The following SH3D21 variants were observed in gnomAD, a reference collection of about 807,000 sequenced individuals.
SH3D21 encodes manchette microtubule inner protein 1.
A neutral mutation model predicts 82.1 loss-of-function variants in SH3D21; 83 were observed. The observed-to-expected ratio is 1.01, with a 90% confidence interval of 0.85 to 1.21. SH3D21 has a LOEUF of 1.21. SH3D21 is among the 50% of genes most tolerant of loss of function. SH3D21 has a pLI of 0.00. For synonymous variants in SH3D21, 383 were observed against 387.8 expected (o/e 0.99, Z 0.15); for missense variants, 980 against 962.1 (o/e 1.02, Z -0.25).
intron 14 of SH3D21, 35 bp downstream of exon 14, chr1:36,320,833 G>A: frequency 6.5e-7 from 1 of 1,550,196 alleles, no homozygotes; most frequent in Non-Finnish European, 8.7e-7. Flanking sequence ...TGGAAGGTAG[G>A]GTTCCCCCTA....
Position 36,320,932 on chromosome 1 carries a change from T to C in SH3D21, c.2153T>C (p.Ile718Thr). ...GCCCGCAGGAGGAAGCTGACCGACA[T>C]CTGGGAGGAGCTGAAGAGCGAGAAG... ...EVQLERKLTD[I>T]WEELKSEKEQ... is the part of the protein sequence containing the mutation. Residue 718 changes from isoleucine (I) to threonine (T), a missense_variant, in exon 15 of 16, where the codon ATC becomes ACC. Coordinates refer to ENST00000453908, the MANE Select transcript of SH3D21 (RefSeq NM_001162530.2). 1 of 1,566,204 alleles carries C rather than the reference T, an allele frequency of 6.4e-7. No homozygotes were observed. Among genetic ancestry groups the C allele is most frequent in the Non-Finnish European group, 8.7e-7 (1 of 1,155,490 alleles).
Position 36,309,527 on chromosome 1 carries a change from C to T in SH3D21, c.727-21C>T, listed in dbSNP as rs1646195781. 5 of 1,551,262 alleles carry T rather than the reference C, an allele frequency of 3.2e-6. No individual in the cohort carries two copies. In the South Asian group the frequency reaches 3.6e-5, roughly 11 times the overall value. On this transcript the variant is annotated intron_variant, in intron 9 of 15. Transcript: ENST00000453908. ...GATTTTTAGATTAAGGATGCTCAAC[C>T]TTTACTTCTTTTCGGCATAGATCAA...
downstream of SH3D21, chr1:36,328,938 G>A (rs886370462): frequency 7.9e-5 from 12 of 152,300 alleles, no homozygotes; most frequent in African/African-American, 2.7e-4. Flanking sequence ...AAGGAAGTGA[G>A]GCTCAGCGAG....
In SH3D21 at chr1:36,306,890, T is replaced by G; in HGVS notation, c.211T>G (p.Cys71Gly). 7.6e-7 allele frequency: 1 copy of G among 1,310,716 alleles called. No homozygotes were observed. The highest frequency in any genetic ancestry group is 1.0e-6 in the Non-Finnish European group (1 of 1,003,170). 81.2% of individuals were successfully genotyped at this position (1,310,716 alleles called of 1,614,324 possible). A position where few individuals can be genotyped will look rare whatever the true frequency, so the allele number is the denominator to read the frequency against. Residue 71 changes from cysteine (C) to glycine (G), a missense_variant, in exon 3 of 16, where the codon TGT (cysteine) becomes GGT (glycine). Coordinates refer to ENST00000453908, the MANE Select transcript of SH3D21 (RefSeq NM_001162530.2). The surrounding 1 kb of genome is among the most constrained non-coding windows in gnomAD (Gnocchi z 4.5). The stretch of plus-strand genomic sequence containing the variant: ...CTCCGGAGAGGCGCGGAGGCCGCGC[T>G]GTGCGCGCCGCCGAGGTGAGCGCAA... The part of the protein sequence containing the change: ...RGSGEARRPR[C>G]ARRRGHPAKH...
Position 36,308,447 on chromosome 1 carries a change from C to T in SH3D21, c.698C>T (p.Pro233Leu), listed in dbSNP as rs1646174984. Residue 233 changes from proline (P) to leucine (L), a missense_variant, in exon 9 of 16, where the codon CCA (proline) becomes CTA (leucine). Pro to Leu is a moderately conservative substitution (Grantham distance 98, BLOSUM62 -3). Transcript: ENST00000453908. ...TGTCAAGGACGAAGAGGAGTTTTTC[C>T]AGACAACTTTGTACTCCCACCACCC... The part of the protein sequence containing the change: ...GECQGRRGVF[P>L]DNFVLPPPPI... The T allele has an allele frequency of 2.6e-6, 4 of 1,551,780 alleles. No homozygotes were observed. In the South Asian group the frequency reaches 3.6e-5, roughly 14 times the overall value.
downstream of SH3D21, chr1:36,321,825 G>A (rs1199618250): frequency 3.1e-5 from 31 of 1,014,724 alleles, 1 homozygote; most frequent in Non-Finnish European, 3.6e-5. This position sits in a 1 kb window ranked among gnomAD's most constrained non-coding sequence, Gnocchi z 6.1. Context: ...CTTGCTCTGT[G>A]TGTGAGGCTG....
At chr1:36,324,115 G>A (rs1384484714), downstream of SH3D21, 1 of 152,234 alleles carries the variant, frequency 6.6e-6, no homozygotes, top group Non-Finnish European at 1.5e-5. Flanking sequence ...CTGGAAGGGA[G>A]GGGACTGTCC....
rs1429213823 is a variant in SH3D21 at position 36,307,568 on chromosome 1, C to T, written c.397C>T (p.Pro133Ser). The change falls in exon 5 of 16, where the codon CCA becomes TCA. Residue 133 changes from proline to serine, a missense_variant. Pro to Ser is a moderately conservative substitution (Grantham distance 74). Coordinates refer to ENST00000453908, the MANE Select transcript of SH3D21 (RefSeq NM_001162530.2). This position sits in a 1 kb window ranked among gnomAD's most constrained non-coding sequence, Gnocchi z 5.4. ...GAAGAACGGGCAGCTGGGAGCCTTC[C>T]CATCCAACTTTGTGGAATTGCTGGA... ...GKKNGQLGAF[P>S]SNFVELLDSG... The T allele has an allele frequency of 3.2e-6, 5 of 1,551,630 alleles. No homozygotes were observed. Among genetic ancestry groups the T allele is most frequent in the Non-Finnish European group, 3.5e-6 (4 of 1,146,966 alleles).
chr1:36,322,799 G>A (rs1216617088), downstream of SH3D21: 3 of 1,500,784 alleles, frequency 2.0e-6, no homozygotes, highest in East Asian at 4.8e-5. Flanking sequence ...AAGACCCCAG[G>A]TTCTAGGTGT....
chr1:36,321,256 C>A lies in SH3D21; in HGVS notation c.*129C>A, dbSNP rs921842283. On this transcript the variant is annotated 3_prime_UTR_variant, in exon 16 of 16. Coordinates refer to ENST00000453908, the MANE Select transcript of SH3D21 (RefSeq NM_001162530.2). The surrounding 1 kb of genome is among the most constrained non-coding windows in gnomAD (Gnocchi z 6.1). Reference sequence around the variant, plus strand: ...GCCACGCCGGTCTGGTCGCTGGGGGCGGGGCCTGCGCGGGGGCAGGGCCTG... The same window carrying A: ...GCCACGCCGGTCTGGTCGCTGGGGGAGGGGCCTGCGCGGGGGCAGGGCCTG... 4.5e-5 allele frequency: 66 copies of A among 1,467,498 alleles called. No homozygotes were observed. The East Asian group carries it at 1.6e-3, about 36-fold the overall frequency. The allele number at this position is 1,467,498 out of a possible 1,614,324, so 90.9% of individuals were successfully genotyped here. A position where few individuals can be genotyped will look rare whatever the true frequency, so the allele number is the denominator to read the frequency against.
chr1:36,329,628 A>T (rs572487838), downstream of SH3D21, among the ~76,000 whole-genome samples: 12 of 152,136 alleles, frequency 7.9e-5, no homozygotes, highest in Admixed American at 6.5e-4. Context: ...GCCCTTATTC[A>T]TGGAGCTCAG....
At position 36,307,446 on chromosome 1, in the gene SH3D21, C is replaced by G. The variant is rs543747869; in HGVS notation, c.346-71C>G. 6.6e-7 allele frequency: 1 copy of G among 1,525,546 alleles called. No homozygotes were observed. The highest frequency in any genetic ancestry group is 2.5e-5 in the East Asian group (1 of 40,570). The allele number at this position is 1,525,546 out of a possible 1,614,324, so 94.5% of individuals were successfully genotyped here. A position where few individuals can be genotyped will look rare whatever the true frequency, so the allele number is the denominator to read the frequency against. On this transcript the variant is annotated intron_variant, in intron 4 of 15. Coordinates refer to ENST00000453908, the MANE Select transcript of SH3D21 (RefSeq NM_001162530.2). The surrounding 1 kb of genome is among the most constrained non-coding windows in gnomAD (Gnocchi z 5.4). ...GGAGGAAGGGGCGCTTGGGCAGAACCAAGGGTGGCAGATTATCCTAGGGAC... is the reference window on the plus strand; with the variant it reads ...GGAGGAAGGGGCGCTTGGGCAGAACGAAGGGTGGCAGATTATCCTAGGGAC...
Position 36,320,720 on chromosome 1 carries a change from AAGG to A in SH3D21, c.2060_2062del (p.Gly687del), listed in dbSNP as rs780686547. 119 of 1,613,574 alleles carry A rather than the reference AAGG, an allele frequency of 7.4e-5. No homozygotes were observed. Among genetic ancestry groups the A allele is most frequent in the Non-Finnish European group, 8.6e-5 (102 of 1,179,812 alleles). On this transcript the variant is annotated inframe_deletion, in exon 14 of 16. Transcript: ENST00000453908. Reference sequence around the variant, plus strand: ...CAAAACTACACGGAAAACAAGAATGAAGGAGTTGATGTAACGTCGCTGAGGGGC... The same window carrying A: ...CAAAACTACACGGAAAACAAGAATGAAGTTGATGTAACGTCGCTGAGGGGC...
intron 9 of SH3D21, among the ~76,000 whole-genome samples, chr1:36,308,956 A>G (rs968700590): frequency 9.9e-5 from 15 of 151,906 alleles, no homozygotes; most frequent in African/African-American, 3.6e-4. Flanking sequence ...TATCTCAAAA[A>G]GAAAAAAAAA....
downstream of SH3D21, chr1:36,322,143 G>C: frequency 1.5e-6 from 2 of 1,355,064 alleles, no homozygotes; most frequent in African/African-American, 1.5e-5. Context: ...CTTCTGGCAG[G>C]ACTGGGGAAG....
chr1:36,315,850 T>C (rs1381005181), intron 10 of SH3D21, among the ~76,000 whole-genome samples: 1 of 152,258 alleles, frequency 6.6e-6, no homozygotes, highest in East Asian at 1.9e-4. Flanking sequence ...TCTGTAACCC[T>C]GTACCAGTAA....
At chr1:36,318,403 G>C (rs1646379751) in intron 10 of SH3D21, among the ~76,000 whole-genome samples, 1 of 152,158 alleles carries the variant, frequency 6.6e-6, no homozygotes, top group Non-Finnish European at 1.5e-5. Context: ...GGGAGTCATT[G>C]ACTTATTGAT....
In SH3D21 at chr1:36,306,916, G is replaced by C. The variant is rs138952213; in HGVS notation, c.226+11G>C. ...GTGCGCGCCGCCGAGGTGAGCGCAA[G>C]GGCGGGGACGGGCGCCGGTGGGCGG... is the stretch of plus-strand genomic sequence containing the variant. On this transcript the variant is annotated intron_variant, in intron 3 of 15. Transcript: ENST00000453908. This position sits in a 1 kb window ranked among gnomAD's most constrained non-coding sequence, Gnocchi z 4.5. The C allele has an allele frequency of 0.021, 28,215 of 1,316,500 alleles. 378 individuals are homozygous for C. Among genetic ancestry groups the C allele is most frequent in the Middle Eastern group, 0.027 (89 of 3,244 alleles). The allele number at this position is 1,316,500 out of a possible 1,614,324, so 81.6% of individuals were successfully genotyped here. A position where few individuals can be genotyped will look rare whatever the true frequency, so the allele number is the denominator to read the frequency against.
chr1:36,327,693 C>G (rs1326348639), downstream of SH3D21: 4 of 1,199,200 alleles, frequency 3.3e-6, no homozygotes, highest in Non-Finnish European at 4.2e-6. Context: ...GAGGGACGCA[C>G]ATTAACCAGA....
Sources: allele counts gnomAD v4.1 joint callset (sites outside exome capture counted in the v4.1 genomes callset), GRCh38; gene constraint gnomAD v4.1.1; non-coding constraint Gnocchi (gnomAD v3.1); transcripts MANE v1.5; gene names NCBI Gene and HGNC (gene_info 2026-07-23, HGNC 2026-07-21).